CRACR2A: variants seen among roughly 807,000 people sequenced by gnomAD.
CRACR2A encodes EF-hand calcium-binding domain-containing protein 4B.
Under a neutral mutation model 90.5 loss-of-function variants are expected in CRACR2A, and 79 were observed. That is an observed-to-expected ratio of 0.87 (90% confidence interval 0.73 to 1.05). The LOEUF (loss-of-function observed/expected upper bound fraction) is 1.05, where lower values mean the gene tolerates loss of function less well. Ranked by LOEUF, CRACR2A falls within the 50% of genes least tolerant of loss-of-function variation. CRACR2A has a pLI of 0.00. For synonymous variants in CRACR2A, 338 were observed against 356.7 expected, an observed-to-expected ratio of 0.95 and a Z score of 0.59; for missense variants, 823 against 897.2, an observed-to-expected ratio of 0.92 and a Z score of 1.06.
intron 9 of CRACR2A, 63 bp from the exon 10 acceptor site, chr12:3,654,462 C>G: frequency 2.7e-6 from 4 of 1,483,270 alleles, no homozygotes; most frequent in Non-Finnish European, 2.7e-6. Context: ...AGGGCCTGCC[C>G]TGGCCTCACC....
chr12:3,668,675 GC>G (rs1357420246), intron 7 of CRACR2A, among the ~76,000 whole-genome samples: 1 of 152,042 alleles, frequency 6.6e-6, no homozygotes, highest in African/African-American at 2.4e-5. Flanking sequence ...AACACAGGCT[GC>G]CGATCCTTAG....
chr12:3,617,144 C>A, intron 18 of CRACR2A, 114 bp from the exon 19 acceptor site: 1 of 742,344 alleles, frequency 1.3e-6, no homozygotes, highest in South Asian at 1.7e-5. Context: ...CTCTCGCAGC[C>A]CCTTGACCTT....
intron 11 of CRACR2A, 24 bp from the exon 12 acceptor site, chr12:3,644,664 A>G (rs1303271807): frequency 1.3e-6 from 2 of 1,551,370 alleles, no homozygotes; most frequent in Middle Eastern, 1.7e-4. Flanking sequence ...AGGGGAATCT[A>G]TTCAAACATG....
chr12:3,689,031 T>G (rs148210071), intron 4 of CRACR2A, among the ~76,000 whole-genome samples: 13 of 152,324 alleles, frequency 8.5e-5, no homozygotes, highest in African/African-American at 3.1e-4. Flanking sequence ...GGAATGCTAA[T>G]GATTTTGTAC....
At chr12:3,693,172 C>G (rs1945678400) in intron 4 of CRACR2A, among the ~76,000 whole-genome samples, 1 of 152,260 alleles carries the variant, frequency 6.6e-6, no homozygotes, top group South Asian at 2.1e-4. Flanking sequence ...TGCCGTGGGC[C>G]TGGGGGAAGC....
intron 1 of CRACR2A, among the ~76,000 whole-genome samples, chr12:3,739,493 C>T (rs1390775162): frequency 6.6e-6 from 1 of 152,172 alleles, no homozygotes; most frequent in Admixed American, 6.5e-5. Flanking sequence ...TTGCTAACAA[C>T]AACGAATGAC....
chr12:3,750,330 G>A (rs1444356160), intron 1 of CRACR2A, among the ~76,000 whole-genome samples: 1 of 152,034 alleles, frequency 6.6e-6, no homozygotes, highest in African/African-American at 2.4e-5. Flanking sequence ...GGAGCCCAAG[G>A]GCCTGGACCC....
At chr12:3,639,531 TG>T (rs1180413358) in intron 13 of CRACR2A, among the ~76,000 whole-genome samples, 2 of 138,408 alleles carry the variant, frequency 1.4e-5, no homozygotes, top group African/African-American at 5.3e-5. Context: ...GATGAAGCAG[TG>T]GGGTGATAGA....
intron 1 of CRACR2A, among the ~76,000 whole-genome samples, 167 bp downstream of exon 1, chr12:3,752,848 C>T (rs1946730288): frequency 6.6e-6 from 1 of 151,822 alleles, no homozygotes; most frequent in Non-Finnish European, 1.5e-5. Flanking sequence ...CTGGGGGTGG[C>T]AGGGGAGCCA....
chr12:3,725,027 G>C (rs766726), intron 2 of CRACR2A, among the ~76,000 whole-genome samples: 2 of 152,126 alleles, frequency 1.3e-5, no homozygotes, highest in Non-Finnish European at 2.9e-5. Flanking sequence ...GTTCTCCACA[G>C]AATCAGTGCC....
At chr12:3,725,561 C>G (rs1565503202) in intron 2 of CRACR2A, among the ~76,000 whole-genome samples, 1 of 152,162 alleles carries the variant, frequency 6.6e-6, no homozygotes, top group African/African-American at 2.4e-5. Flanking sequence ...TGCAAAGACT[C>G]TTTTTTCCAA....
chr12:3,667,896 A>G (rs1945175729), intron 7 of CRACR2A, among the ~76,000 whole-genome samples: 3 of 152,246 alleles, frequency 2.0e-5, no homozygotes, highest in Non-Finnish European at 1.5e-5. Flanking sequence ...GAATGAAAGG[A>G]AAACGTAAGA....
At chr12:3,697,265 C>T (rs1945757714) in intron 3 of CRACR2A, among the ~76,000 whole-genome samples, 1 of 152,138 alleles carries the variant, frequency 6.6e-6, no homozygotes, top group Non-Finnish European at 1.5e-5. Flanking sequence ...GGAAAGAAGA[C>T]AGACATCTCC....
Position 3,725,583 on chromosome 12 carries a change from T to C in CRACR2A, c.-118+7359A>G, listed in dbSNP as rs190451790. On this transcript the variant is annotated intron_variant, in intron 2 of 19. Transcript: ENST00000440314. ...ACTCTTTTTTCCAAATAAGGTCATA[T>C]TCACCAGTTCTGGCAGTTAGGACAT... Among the ~76,000 whole-genome samples, 416 of 152,306 alleles carry C rather than the reference T, an allele frequency of 2.7e-3. 1 individual carries two copies. The highest frequency in any genetic ancestry group is 9.6e-3 in the African/African-American group (400 of 41,558).
intron 17 of CRACR2A, 78 bp from the exon 18 acceptor site, chr12:3,619,450 A>G (rs922031751): frequency 4.1e-5 from 46 of 1,110,118 alleles, no homozygotes; most frequent in Non-Finnish European, 6.0e-5. Flanking sequence ...TGCCGGCTGG[A>G]CAGATGGGAC....
chr12:3,623,457 GA>G lies in CRACR2A; in HGVS notation c.1932+3978del, dbSNP rs1184806672. 4.6e-5 allele frequency among the ~76,000 whole-genome samples: 7 copies of G among 152,230 alleles called. No individual in the cohort carries two copies. In the South Asian group the frequency reaches 1.2e-3, roughly 27 times the overall value. On this transcript the variant is annotated intron_variant, in intron 17 of 19. Transcript: ENST00000440314. ...GGGGGCCAGCAATCCGGCTCTGGGG[GA>G]AATACCAGCCCATACAGGCTTGTAC...
intron 2 of CRACR2A, among the ~76,000 whole-genome samples, chr12:3,721,911 G>A (rs1036601479): frequency 6.6e-6 from 1 of 152,298 alleles, no homozygotes; most frequent in Admixed American, 6.5e-5. Context: ...TGTGAGTAGG[G>A]AACAGGGTGC....
intron 3 of CRACR2A, among the ~76,000 whole-genome samples, chr12:3,703,787 A>G (rs1015771650): frequency 2.0e-5 from 3 of 152,260 alleles, no homozygotes; most frequent in Admixed American, 6.5e-5. Flanking sequence ...ACTTCACCAA[A>G]CAAGATATAG....
At chr12:3,656,922 GTGTTCATATT>G (rs1270337803) in intron 8 of CRACR2A, among the ~76,000 whole-genome samples, 1 of 152,222 alleles carries the variant, frequency 6.6e-6, no homozygotes, top group African/African-American at 2.4e-5. Context: ...GAGGGTCTAA[GTGTTCATATT>G]TGCCCACTGT....
Sources: allele counts gnomAD v4.1 joint callset (sites outside exome capture counted in the v4.1 genomes callset), GRCh38; gene constraint gnomAD v4.1.1; transcripts MANE v1.5; gene names NCBI Gene and HGNC (gene_info 2026-07-23, HGNC 2026-07-21).